Variants in RNGTT observed in about 807,000 individuals in gnomAD.
RNGTT encodes the protein mRNA-capping enzyme.
Under a neutral mutation model 79.3 loss-of-function variants are expected in RNGTT, and 33 were observed. The observed-to-expected ratio is 0.42, with a 90% CI of 0.32 to 0.56. RNGTT has a LOEUF of 0.56. Ranked by LOEUF, RNGTT falls within the 20% of genes least tolerant of loss-of-function variation. RNGTT has a pLI of 0.17. For synonymous variants in RNGTT, 222 were observed against 235.9 expected (o/e 0.94, Z 0.54); for missense variants, 497 against 739.1 (o/e 0.67, Z 3.80).
intron 8 of RNGTT, among the ~76,000 whole-genome samples, chr6:88,871,406 A>G (rs962756066): frequency 2.6e-5 from 4 of 152,068 alleles, no homozygotes; most frequent in Admixed American, 6.6e-5. Context: ...ATGTCCTGAA[A>G]GTCCACAAAA....
chr6:88,698,821 G>A (rs1203014825), intron 13 of RNGTT, among the ~76,000 whole-genome samples: 1 of 152,126 alleles, frequency 6.6e-6, no homozygotes, highest in Non-Finnish European at 1.5e-5. Context: ...AACCTCCGTA[G>A]CATGACTAAG....
intron 13 of RNGTT, among the ~76,000 whole-genome samples, chr6:88,708,051 T>G (rs1776198446): frequency 1.3e-5 from 2 of 152,000 alleles, no homozygotes; most frequent in Non-Finnish European, 2.9e-5. Flanking sequence ...TGCTTCTTTC[T>G]CATGTGTTTT....
At chr6:88,705,705 T>C (rs1776107081) in intron 13 of RNGTT, among the ~76,000 whole-genome samples, 1 of 152,146 alleles carries the variant, frequency 6.6e-6, no homozygotes, top group African/African-American at 2.4e-5. Context: ...ATCTGTGGTA[T>C]AAGAGTCAAG....
At chr6:88,814,512 G>A (rs905005742) in intron 11 of RNGTT, among the ~76,000 whole-genome samples, 1 of 152,064 alleles carries the variant, frequency 6.6e-6, no homozygotes, top group Admixed American at 6.6e-5. Flanking sequence ...ACAATGAAAT[G>A]CTCACCTTTT....
intron 6 of RNGTT, among the ~76,000 whole-genome samples, chr6:88,900,229 TTTTA>T (rs1409396978): frequency 6.6e-6 from 1 of 150,678 alleles, no homozygotes; most frequent in Non-Finnish European, 1.5e-5. Flanking sequence ...TAGTTTTACT[TTTTA>T]TTTGACTTTT....
At chr6:88,695,013 C>T (rs1299286548) in intron 13 of RNGTT, among the ~76,000 whole-genome samples, 1 of 151,962 alleles carries the variant, frequency 6.6e-6, no homozygotes, top group Non-Finnish European at 1.5e-5. Context: ...TTATAGCGCA[C>T]AAACAAACTA....
At chr6:88,928,628 AC>A (rs1456002837) in intron 4 of RNGTT, among the ~76,000 whole-genome samples, 1 of 152,216 alleles carries the variant, frequency 6.6e-6, no homozygotes, top group East Asian at 1.9e-4. Flanking sequence ...CAATTACATC[AC>A]CATACATTGC....
At chr6:88,821,793 C>T (rs1780504138) in intron 11 of RNGTT, among the ~76,000 whole-genome samples, 1 of 150,652 alleles carries the variant, frequency 6.6e-6, no homozygotes, top group African/African-American at 2.4e-5. Flanking sequence ...AGCACTGAAA[C>T]ATTTTAATAT....
chr6:88,694,051 C>T (rs1775572604), intron 13 of RNGTT, among the ~76,000 whole-genome samples: 1 of 152,068 alleles, frequency 6.6e-6, no homozygotes, highest in South Asian at 2.1e-4. Flanking sequence ...AAAGCAAAGA[C>T]CACTACTCTC....
At chr6:88,794,879 G>A (rs1331650402) in intron 12 of RNGTT, among the ~76,000 whole-genome samples, 1 of 152,152 alleles carries the variant, frequency 6.6e-6, no homozygotes, top group Admixed American at 6.5e-5. Flanking sequence ...CTATGGAATG[G>A]AGAGCAATGA....
At chr6:88,735,858 GAAC>G (rs1297558880) in intron 13 of RNGTT, among the ~76,000 whole-genome samples, 1 of 151,820 alleles carries the variant, frequency 6.6e-6, no homozygotes, top group African/African-American at 2.4e-5. Context: ...TTGAAAACAG[GAAC>G]AACAGAGAAT....
intron 8 of RNGTT, among the ~76,000 whole-genome samples, chr6:88,869,530 C>T (rs1341559889): frequency 6.6e-6 from 1 of 152,092 alleles, no homozygotes; most frequent in East Asian, 1.9e-4. Context: ...ATCAGAATGA[C>T]TTGAGTTTGG....
At chr6:88,656,528 T>G (rs950042821) in intron 14 of RNGTT, among the ~76,000 whole-genome samples, 31 of 152,292 alleles carry the variant, frequency 2.0e-4, no homozygotes, top group African/African-American at 7.5e-4. Flanking sequence ...AGAGAACATT[T>G]TATTCACTTA....
At chr6:88,896,182 T>C (rs1035505424) in intron 6 of RNGTT, among the ~76,000 whole-genome samples, 3 of 152,176 alleles carry the variant, frequency 2.0e-5, no homozygotes, top group African/African-American at 4.8e-5. Flanking sequence ...ACCACTCAGC[T>C]GTAGTAAAGC....
Position 88,828,193 on chromosome 6 carries a change from G to A in RNGTT, c.1269+16164C>T, listed in dbSNP as rs1299220656. On this transcript the variant is annotated intron_variant, in intron 11 of 15. Transcript: ENST00000369485. ...ATCTAGGACAAAGCTTCCGGAGGAA[G>A]AACAGGCAGAAATCTTTGCTGTTCT... Among the ~76,000 whole-genome samples the A allele has an allele frequency of 2.0e-5, 3 of 152,174 alleles. No homozygotes were observed. In the South Asian group the frequency reaches 6.2e-4, roughly 32 times the overall value.
intron 4 of RNGTT, among the ~76,000 whole-genome samples, chr6:88,923,071 A>G (rs546525332): frequency 6.6e-5 from 10 of 152,200 alleles, no homozygotes; most frequent in Non-Finnish European, 1.5e-4. Context: ...TTAGGTAAGA[A>G]TATTTTATAG....
At chr6:88,933,993 C>A (rs1416105911) in intron 2 of RNGTT, among the ~76,000 whole-genome samples, 1 of 152,160 alleles carries the variant, frequency 6.6e-6, no homozygotes, top group Non-Finnish European at 1.5e-5. Flanking sequence ...CACATCCTTG[C>A]CAGCATCTGT....
At chr6:88,917,865 C>T (rs1369654103) in intron 4 of RNGTT, among the ~76,000 whole-genome samples, 1 of 151,480 alleles carries the variant, frequency 6.6e-6, no homozygotes, top group Admixed American at 6.6e-5. Context: ...CTAGCCTGGG[C>T]GACAGAGCGA....
At chr6:88,714,213 A>G (rs956029319) in intron 13 of RNGTT, 3 of 152,348 alleles carry the variant, frequency 2.0e-5, no homozygotes, top group African/African-American at 7.2e-5. Flanking sequence ...CTTAAAATTA[A>G]GTCATTATTG....
Sources: gnomAD v4.1 joint callset for allele counts (sites outside exome capture counted in the v4.1 genomes callset) on GRCh38, gnomAD v4.1.1 for gene constraint, MANE v1.5 for transcripts, NCBI Gene and HGNC (gene_info 2026-07-23, HGNC 2026-07-21) for gene names.